ANKS1A: variants seen among roughly 807,000 people sequenced by gnomAD.
The protein encoded by ANKS1A is ankyrin repeat and sterile alpha motif domain containing 1A, also known as ankyrin repeat and SAM domain-containing protein 1A.
Under a neutral mutation model 120.3 loss-of-function variants are expected in ANKS1A, and 55 were observed. The observed-to-expected ratio is 0.46, with a 90% CI of 0.37 to 0.57. The LOEUF is 0.57. ANKS1A is among the 20% of genes least tolerant of loss of function. ANKS1A has a pLI of 0.00. For missense variants in ANKS1A, 1,123 were observed against 1,480.3 expected (o/e 0.76, Z 3.96); for synonymous variants, 590 against 604.7 (o/e 0.98, Z 0.36).
chr6:34,904,173 C>T (rs932311425), intron 1 of ANKS1A, among the ~76,000 whole-genome samples: 9 of 152,118 alleles, frequency 5.9e-5, no homozygotes, highest in African/African-American at 1.9e-4. Flanking sequence ...CTCATTCTCT[C>T]GTATGCTTTA....
At chr6:35,048,961 G>T (rs1358386853) in intron 11 of ANKS1A, among the ~76,000 whole-genome samples, 1 of 152,238 alleles carries the variant, frequency 6.6e-6, no homozygotes, top group East Asian at 1.9e-4. Flanking sequence ...CAGGAAGCAG[G>T]TTCGGCTGCC....
At chr6:34,989,133 T>G in intron 8 of ANKS1A, 91 bp from the exon 9 acceptor site, 1 of 1,213,724 alleles carries the variant, frequency 8.2e-7, no homozygotes, top group Non-Finnish European at 1.2e-6. Context: ...ACATTATTTT[T>G]TTCATTTCTA....
At chr6:34,949,108 C>T (rs1413878224) in intron 1 of ANKS1A, among the ~76,000 whole-genome samples, 1 of 152,174 alleles carries the variant, frequency 6.6e-6, no homozygotes, top group African/African-American at 2.4e-5. Context: ...AGGAAACAAG[C>T]TTGTTGTAAA....
At position 35,086,497 on chromosome 6, in the gene ANKS1A, G is replaced by A. The variant is rs1777992376; in HGVS notation, c.3304-455G>A. Reference sequence around the variant, plus strand: ...CCTCTTCCTGAGATGCCCTCTGCCTGTTCTGTGTGTGCTTCAGCCCTCTCT... The same window carrying A: ...CCTCTTCCTGAGATGCCCTCTGCCTATTCTGTGTGTGCTTCAGCCCTCTCT... On this transcript the variant is annotated intron_variant, in intron 22 of 23. Transcript: ENST00000360359. The surrounding 1 kb of genome is among the most constrained non-coding windows in gnomAD (Gnocchi z 5.1). 1 of 562,782 alleles carries A rather than the reference G, an allele frequency of 1.8e-6. No individual in the cohort carries two copies. The highest frequency in any genetic ancestry group is 1.9e-5 in the African/African-American group (1 of 51,998). 34.9% of individuals were successfully genotyped at this position (562,782 alleles called of 1,614,324 possible). A position where few individuals can be genotyped will look rare whatever the true frequency, so the allele number is the denominator to read the frequency against.
chr6:34,911,744 C>T (rs547927613), intron 1 of ANKS1A, among the ~76,000 whole-genome samples: 15 of 152,260 alleles, frequency 9.9e-5, no homozygotes, highest in South Asian at 6.2e-4. Flanking sequence ...CTGCTTATGC[C>T]AACTCCCGAT....
chr6:35,097,035 ATTT>A, the ANKS1A span, among the ~76,000 whole-genome samples: 43 of 150,282 alleles, frequency 2.9e-4, no homozygotes, highest in South Asian at 4.2e-4. Flanking sequence ...ATTCCAGCCA[ATTT>A]TTTTTTTTTT....
At chr6:34,978,493 T>C (rs1581586000) in intron 3 of ANKS1A, among the ~76,000 whole-genome samples, 1 of 152,258 alleles carries the variant, frequency 6.6e-6, no homozygotes, top group South Asian at 2.1e-4. Flanking sequence ...GTGAGTGTAT[T>C]AACCAGCACT....
At chr6:34,976,515 A>G (rs1771594372) in intron 3 of ANKS1A, among the ~76,000 whole-genome samples, 1 of 152,108 alleles carries the variant, frequency 6.6e-6, no homozygotes. Flanking sequence ...GGGCAGATCT[A>G]TTTTTTTGGT....
At chr6:35,024,942 A>G (rs1254381603) in intron 11 of ANKS1A, among the ~76,000 whole-genome samples, 3 of 152,220 alleles carry the variant, frequency 2.0e-5, no homozygotes, top group African/African-American at 7.2e-5. Context: ...GTAAACAAGC[A>G]TGCTGTGTAG....
Position 35,086,447 on chromosome 6 carries a change from CCTCT to C in ANKS1A, c.3304-504_3304-501del. The C allele has an allele frequency of 1.0e-6, 1 of 1,001,204 alleles. No homozygotes were observed. Among genetic ancestry groups the C allele is most frequent in the African/African-American group, 1.7e-5 (1 of 60,044 alleles). 62.0% of individuals were successfully genotyped at this position (1,001,204 alleles called of 1,614,324 possible). A position where few individuals can be genotyped will look rare whatever the true frequency, so the allele number is the denominator to read the frequency against. ...CGCTCTTAGCCTCTGGCGGCCTCTC[CCTCT>C]GCCTGTGTGACATTCTTTCCCCTCT... On this transcript the variant is annotated intron_variant, in intron 22 of 23. Transcript: ENST00000360359. This position sits in a 1 kb window ranked among gnomAD's most constrained non-coding sequence, Gnocchi z 5.1.
intron 11 of ANKS1A, among the ~76,000 whole-genome samples, chr6:35,026,620 T>C (rs893545362): frequency 6.6e-6 from 1 of 152,054 alleles, no homozygotes; most frequent in Non-Finnish European, 1.5e-5. Context: ...AAGGCCCCTT[T>C]GAGGAGGACG....
In ANKS1A at chr6:35,057,693, G is replaced by A. The variant is rs756027619; in HGVS notation, c.2078-2454G>A. Among the ~76,000 whole-genome samples, 7 of 152,162 alleles carry A rather than the reference G, an allele frequency of 4.6e-5. No individual in the cohort carries two copies. The highest frequency in any genetic ancestry group is 8.8e-5 in the Non-Finnish European group (6 of 68,026). ...GCTCTGGGGTGGGGCACTTCCCCTG[G>A]GCTCTAACAGGCCCCAAGAGAAGTC... is the stretch of plus-strand genomic sequence containing the variant. On this transcript the variant is annotated intron_variant, in intron 12 of 23. Coordinates refer to ENST00000360359, the MANE Select transcript of ANKS1A (RefSeq NM_015245.3). This position sits in a 1 kb window ranked among gnomAD's most constrained non-coding sequence, Gnocchi z 4.1.
At chr6:35,036,449 A>T (rs1210612610) in intron 11 of ANKS1A, among the ~76,000 whole-genome samples, 2 of 152,196 alleles carry the variant, frequency 1.3e-5, no homozygotes, top group Admixed American at 1.3e-4. Flanking sequence ...TAAGGATGTG[A>T]CCTACTCAGA....
intron 10 of ANKS1A, among the ~76,000 whole-genome samples, chr6:35,002,013 CAT>C (rs1467848417): frequency 1.4e-4 from 22 of 152,228 alleles, no homozygotes; most frequent in African/African-American, 5.3e-4. Flanking sequence ...AAAACCTAAA[CAT>C]AAAGTCCCCC....
At chr6:34,934,054 C>T (rs1769127573) in intron 1 of ANKS1A, among the ~76,000 whole-genome samples, 1 of 152,134 alleles carries the variant, frequency 6.6e-6, no homozygotes, top group Non-Finnish European at 1.5e-5. Flanking sequence ...TGTTTTTTCT[C>T]TTATACTCCA....
downstream of ANKS1A, among the ~76,000 whole-genome samples, chr6:35,092,983 T>C (rs545019109): frequency 2.4e-4 from 37 of 152,008 alleles, 2 homozygotes; most frequent in East Asian, 3.1e-3. Context: ...TAGTCAGCCA[T>C]GGCCACCCCT....
chr6:34,929,359 A>T (rs1158052425), intron 1 of ANKS1A, among the ~76,000 whole-genome samples: 1 of 152,218 alleles, frequency 6.6e-6, no homozygotes, highest in Non-Finnish European at 1.5e-5. Context: ...GAATAAATGT[A>T]TTCCACCCAT....
chr6:34,976,696 G>A (rs1351971041), intron 3 of ANKS1A, among the ~76,000 whole-genome samples: 1 of 151,490 alleles, frequency 6.6e-6, no homozygotes, highest in Non-Finnish European at 1.5e-5. Flanking sequence ...TAAGAATAAT[G>A]CCATGAACTA....
chr6:35,094,280 A>G (rs1177843604), downstream of ANKS1A, among the ~76,000 whole-genome samples: 2 of 152,208 alleles, frequency 1.3e-5, no homozygotes, highest in Admixed American at 6.5e-5. Flanking sequence ...TAATCAATAG[A>G]TATCAACACT....
Sources: gnomAD v4.1 joint callset for allele counts (sites outside exome capture counted in the v4.1 genomes callset) on GRCh38, gnomAD v4.1.1 for gene constraint, Gnocchi (gnomAD v3.1) non-coding constraint, MANE v1.5 for transcripts, NCBI Gene and HGNC (gene_info 2026-07-23, HGNC 2026-07-21) for gene names.